The following CDKL4 variants were observed in gnomAD, a reference collection of about 807,000 sequenced individuals.
CDKL4 encodes cyclin-dependent kinase-like 4.
A neutral mutation model predicts 42.0 loss-of-function variants in CDKL4; 44 were observed. That is an observed-to-expected ratio of 1.05 (90% CI 0.82 to 1.35). CDKL4 has a LOEUF of 1.35. Ranked by LOEUF, CDKL4 falls within the 40% of genes most tolerant of loss-of-function variation. The pLI is 0.00. For missense variants in CDKL4, 393 were observed against 369.9 expected (o/e 1.06, Z -0.51); for synonymous variants, 120 against 121.6 (o/e 0.99, Z 0.09).
At chr2:39,218,971 G>T (rs1678134264) in intron 3 of CDKL4, among the ~76,000 whole-genome samples, 1 of 151,996 alleles carries the variant, frequency 6.6e-6, no homozygotes, top group Non-Finnish European at 1.5e-5. Context: ...ACACCTCCTG[G>T]GCATTCTCTA....
chr2:39,194,991 G>A (rs771561267), intron 5 of CDKL4, among the ~76,000 whole-genome samples: 1 of 152,000 alleles, frequency 6.6e-6, no homozygotes, highest in Non-Finnish European at 1.5e-5. Flanking sequence ...CCCCAGCCCT[G>A]ATAACCACTA....
chr2:39,179,625 C>A (rs1394269023), intron 8 of CDKL4, among the ~76,000 whole-genome samples: 1 of 152,216 alleles, frequency 6.6e-6, no homozygotes, highest in Non-Finnish European at 1.5e-5. Flanking sequence ...TAGCAGTCTG[C>A]AGAGTATAGT....
In CDKL4 at chr2:39,182,353, T is replaced by C. The variant is rs149992535; in HGVS notation, c.792+2238A>G. On this transcript the variant is annotated intron_variant, in intron 8 of 9. Transcript: ENST00000451199. ...AATCTAGTCCATCACTAAATACCTA[T>C]GAATTTTCATTTTAAAGAACATTTT... Among the ~76,000 whole-genome samples, 349 of 152,348 alleles carry C rather than the reference T, an allele frequency of 2.3e-3. 3 individuals are homozygous for C. Among genetic ancestry groups the C allele is most frequent in the African/African-American group, 8.0e-3 (331 of 41,584 alleles).
intron 5 of CDKL4, among the ~76,000 whole-genome samples, chr2:39,200,870 T>TGAA (rs1414243424): frequency 1.3e-5 from 2 of 152,096 alleles, no homozygotes; most frequent in East Asian, 3.9e-4. Flanking sequence ...ATCTAAGACC[T>TGAA]GAAACCATAA....
At chr2:39,231,231 CA>C (rs1558584466) in intron 1 of CDKL4, among the ~76,000 whole-genome samples, 1 of 152,028 alleles carries the variant, frequency 6.6e-6, no homozygotes, top group Admixed American at 6.6e-5. Context: ...AACAAACAAA[CA>C]AACAAACAAA....
At chr2:39,220,838 C>G (rs560126286) in intron 3 of CDKL4, among the ~76,000 whole-genome samples, 2 of 151,816 alleles carry the variant, frequency 1.3e-5, no homozygotes, top group Non-Finnish European at 2.9e-5. Context: ...CTGCCCTCCT[C>G]GGCCTCCCAA....
chr2:39,205,777 A>AG (rs1553386233), intron 4 of CDKL4, among the ~76,000 whole-genome samples: 4 of 149,464 alleles, frequency 2.7e-5, no homozygotes, highest in Admixed American at 6.7e-5. Context: ...AAAAAAAAAA[A>AG]AAAGAAAGAA....
chr2:39,195,919 G>A (rs977866736), intron 5 of CDKL4, among the ~76,000 whole-genome samples: 3 of 152,186 alleles, frequency 2.0e-5, no homozygotes, highest in African/African-American at 7.2e-5. Flanking sequence ...GCAGCGTGTG[G>A]AGACTTACAT....
At chr2:39,205,752 T>C (rs1442860389) in intron 4 of CDKL4, among the ~76,000 whole-genome samples, 10 of 76,556 alleles carry the variant, frequency 1.3e-4, no homozygotes, top group Middle Eastern at 0.018. Context: ...GGAGCGAGAC[T>C]CCGTCTCAAA....
intron 5 of CDKL4, among the ~76,000 whole-genome samples, chr2:39,192,529 T>A (rs1676248655): frequency 1.9e-5 from 1 of 51,394 alleles, no homozygotes; most frequent in South Asian, 7.1e-4. Context: ...CCTGGTTAAT[T>A]TAAAAAAAAA....
chr2:39,236,799 C>G (rs549299230), intron 1 of CDKL4, among the ~76,000 whole-genome samples: 3 of 152,178 alleles, frequency 2.0e-5, no homozygotes, highest in Non-Finnish European at 4.4e-5. Context: ...GTTGGTTGGA[C>G]AAGTGCCTAG....
At chr2:39,245,881 A>G (rs1381453784), upstream of CDKL4, among the ~76,000 whole-genome samples, 2 of 152,218 alleles carry the variant, frequency 1.3e-5, no homozygotes, top group African/African-American at 4.8e-5. Flanking sequence ...TTCACCTAGC[A>G]TTGTACTAGT....
intron 1 of CDKL4, among the ~76,000 whole-genome samples, chr2:39,240,407 C>G (rs13031442): frequency 6.8e-6 from 1 of 146,696 alleles, no homozygotes; most frequent in Admixed American, 6.7e-5. Context: ...GGGACAAGAG[C>G]GAGACTTCGT....
upstream of CDKL4, among the ~76,000 whole-genome samples, chr2:39,246,616 G>A (rs1281181391): frequency 6.6e-6 from 1 of 152,148 alleles, no homozygotes; most frequent in Non-Finnish European, 1.5e-5. Flanking sequence ...TGCAGTATTT[G>A]CATATGCCTT....
intron 1 of CDKL4, among the ~76,000 whole-genome samples, chr2:39,233,738 C>T (rs548923063): frequency 6.6e-6 from 1 of 151,386 alleles, no homozygotes; most frequent in African/African-American, 2.4e-5. Context: ...AAAAAAAACA[C>T]ACAAAATCTA....
intron 2 of CDKL4, among the ~76,000 whole-genome samples, chr2:39,226,415 A>G (rs1209699453): frequency 6.9e-6 from 1 of 145,616 alleles, no homozygotes; most frequent in Admixed American, 7.0e-5. Context: ...TTTTAAATTT[A>G]CTTATTTATA....
upstream of CDKL4, among the ~76,000 whole-genome samples, chr2:39,246,798 C>T (rs1405809701): frequency 6.6e-6 from 1 of 152,118 alleles, no homozygotes; most frequent in Non-Finnish European, 1.5e-5. Context: ...GGCTAAAGTG[C>T]AGTGTCACAA....
At chr2:39,198,061 CACCA>C (rs1676625116) in intron 5 of CDKL4, among the ~76,000 whole-genome samples, 1 of 152,022 alleles carries the variant, frequency 6.6e-6, no homozygotes, top group Non-Finnish European at 1.5e-5. Flanking sequence ...GATAAAAATT[CACCA>C]ACCAAGTATC....
chr2:39,172,613 G>C (rs535762495), downstream of CDKL4, among the ~76,000 whole-genome samples: 30 of 152,186 alleles, frequency 2.0e-4, no homozygotes, highest in African/African-American at 7.2e-4. Flanking sequence ...ACGGAGTCTT[G>C]CTCTGTTGCC....
Sources: allele counts gnomAD v4.1 joint callset (sites outside exome capture counted in the v4.1 genomes callset), GRCh38; gene constraint gnomAD v4.1.1; transcripts MANE v1.5; gene names NCBI Gene and HGNC (gene_info 2026-07-23, HGNC 2026-07-21).